Variants in TRAPPC9 observed in about 807,000 individuals in gnomAD.
TRAPPC9 encodes the protein trafficking protein particle complex subunit 9.
In TRAPPC9, 83 loss-of-function variants were observed where a neutral mutation model predicts 124.0. That is an observed-to-expected ratio of 0.67 (90% CI 0.56 to 0.80). The LOEUF is 0.80. TRAPPC9 is among the 30% of genes least tolerant of loss of function. The pLI is 0.00. For synonymous variants in TRAPPC9, 638 were observed against 617.5 expected, an observed-to-expected ratio of 1.03 and a Z score of -0.49; for missense variants, 1,302 against 1,508.3, an observed-to-expected ratio of 0.86 and a Z score of 2.27.
At chr8:140,191,077 T>C (rs2062480725) in intron 17 of TRAPPC9, among the ~76,000 whole-genome samples, 1 of 152,152 alleles carries the variant, frequency 6.6e-6, no homozygotes, top group Non-Finnish European at 1.5e-5. Flanking sequence ...GCCTCTACAA[T>C]GCTCAGCATC....
In TRAPPC9 at chr8:139,858,975, C is replaced by T. The variant is rs566550457; in HGVS notation, c.3055+26904G>A. On this transcript the variant is annotated intron_variant, in intron 21 of 22. Coordinates refer to ENST00000438773, the MANE Select transcript of TRAPPC9 (RefSeq NM_001160372.4). The stretch of plus-strand genomic sequence containing the variant: ...GCTTCTGCACGGTGAAATTGGGCCC[C>T]GAGTTTCAGATATCTCTGAGATGTC... Among the ~76,000 whole-genome samples, 12 of 149,476 alleles carry T rather than the reference C, an allele frequency of 8.0e-5. No homozygotes were observed. The South Asian group carries it at 8.8e-4, about 11-fold the overall frequency.
At position 140,296,289 on chromosome 8, in the gene TRAPPC9, G is replaced by A. The variant is rs1224570082; in HGVS notation, c.1768+4180C>T. Among the ~76,000 whole-genome samples, 3 of 152,240 alleles carry A rather than the reference G, an allele frequency of 2.0e-5. No individual in the cohort carries two copies. In the East Asian group the frequency reaches 5.8e-4, roughly 29 times the overall value. On this transcript the variant is annotated intron_variant, in intron 11 of 22. Transcript: ENST00000438773. ...GTCTTTTTATTTGTTTTTTGAGGTA[G>A]GGTCTTGCTCTGTCACCCAGGCTGG...
intron 13 of TRAPPC9, among the ~76,000 whole-genome samples, chr8:140,284,486 T>C (rs1202410110): frequency 6.6e-6 from 1 of 152,216 alleles, no homozygotes; most frequent in East Asian, 1.9e-4. Flanking sequence ...TTATTGTAGC[T>C]GCTGCTGATA....
At chr8:140,368,899 T>A (rs531478583) in intron 8 of TRAPPC9, among the ~76,000 whole-genome samples, 1 of 152,144 alleles carries the variant, frequency 6.6e-6, no homozygotes, top group South Asian at 2.1e-4. Context: ...TAAAAATAAA[T>A]AAATGATTTC....
intron 21 of TRAPPC9, among the ~76,000 whole-genome samples, chr8:139,800,333 C>A (rs1823396587): frequency 6.6e-6 from 1 of 152,240 alleles, no homozygotes; most frequent in African/African-American, 2.4e-5. Flanking sequence ...AAGTGGGTGA[C>A]CAGAGCTGCC....
intron 17 of TRAPPC9, among the ~76,000 whole-genome samples, chr8:140,122,858 C>T (rs1480962247): frequency 2.0e-5 from 3 of 152,086 alleles, no homozygotes; most frequent in Admixed American, 6.5e-5. Context: ...TGAAGGGCCC[C>T]GATGATTTTG....
intron 9 of TRAPPC9, among the ~76,000 whole-genome samples, chr8:140,335,597 T>C (rs551956594): frequency 1.8e-4 from 28 of 152,236 alleles, no homozygotes; most frequent in African/African-American, 6.5e-4. Context: ...AAACTGAAGT[T>C]CAGAGGTCAG....
chr8:140,022,551 A>G (rs1407344558), intron 18 of TRAPPC9, among the ~76,000 whole-genome samples: 2 of 152,164 alleles, frequency 1.3e-5, no homozygotes, highest in Admixed American at 1.3e-4. Context: ...AAAAAGACGA[A>G]CTCAGCTGAT....
chr8:140,177,497 C>T (rs1415046979), intron 17 of TRAPPC9, among the ~76,000 whole-genome samples: 1 of 151,966 alleles, frequency 6.6e-6, no homozygotes, highest in Non-Finnish European at 1.5e-5. Flanking sequence ...ATTTTGTTTC[C>T]ATTAATCTAT....
At chr8:139,736,485 G>A (rs899256594) in intron 21 of TRAPPC9, among the ~76,000 whole-genome samples, 1 of 152,200 alleles carries the variant, frequency 6.6e-6, no homozygotes, top group Admixed American at 6.5e-5. Context: ...AGGCATACAG[G>A]CACCAAATCC....
chr8:139,956,056 G>A (rs1587335370), intron 19 of TRAPPC9, among the ~76,000 whole-genome samples: 1 of 152,218 alleles, frequency 6.6e-6, no homozygotes, highest in Admixed American at 6.5e-5. Flanking sequence ...GAGTGTGGCT[G>A]TGCCTAGAAC....
At chr8:140,074,211 G>C (rs1357242933) in intron 17 of TRAPPC9, among the ~76,000 whole-genome samples, 1 of 152,142 alleles carries the variant, frequency 6.6e-6, no homozygotes. Context: ...AGTCAGGGTT[G>C]CTTTCCTGAC....
At position 140,106,035 on chromosome 8, in the gene TRAPPC9, TAAA is replaced by T. The variant is rs200155377; in HGVS notation, c.2557-81959_2557-81957del. Among the ~76,000 whole-genome samples, 6 of 96,604 alleles carry T rather than the reference TAAA, an allele frequency of 6.2e-5. No individual in the cohort carries two copies. In the East Asian group the frequency reaches 8.6e-4, roughly 14 times the overall value. 63.4% of individuals were successfully genotyped at this position (96,604 alleles called of 152,430 possible). A position where few individuals can be genotyped will look rare whatever the true frequency, so the allele number is the denominator to read the frequency against. ...AAATGTGGATTTTGTAATGATGAAC[TAAA>T]AAAAAAAAAAAAAAGTCTGGTGCTC... is the stretch of plus-strand genomic sequence containing the variant. On this transcript the variant is annotated intron_variant, in intron 17 of 22. Coordinates refer to ENST00000438773, the MANE Select transcript of TRAPPC9 (RefSeq NM_001160372.4).
chr8:139,881,611 A>G (rs1004323429), intron 21 of TRAPPC9, among the ~76,000 whole-genome samples: 1 of 152,112 alleles, frequency 6.6e-6, no homozygotes, highest in African/African-American at 2.4e-5. Context: ...CCACCCTAAC[A>G]AAGGCAAGGC....
chr8:139,798,790 C>A (rs897125592), intron 21 of TRAPPC9, among the ~76,000 whole-genome samples: 1 of 152,196 alleles, frequency 6.6e-6, no homozygotes, highest in African/African-American at 2.4e-5. Context: ...TAACAAATTA[C>A]CACAAACTTG....
chr8:139,786,463 T>C (rs1187896720), intron 21 of TRAPPC9, among the ~76,000 whole-genome samples: 1 of 151,702 alleles, frequency 6.6e-6, no homozygotes, highest in Non-Finnish European at 1.5e-5. Flanking sequence ...CCAGTGGGCA[T>C]GTAAAATGGC....
rs779475002 is a variant in TRAPPC9 at position 140,291,006 on chromosome 8, C to G, written c.1841G>C (p.Arg614Pro). The G allele has an allele frequency of 2.1e-5, 34 of 1,613,980 alleles. No individual in the cohort carries two copies. Residue 614 changes from arginine (R) to proline (P), a missense_variant, in exon 12 of 23, where the codon CGA becomes CCA. By Grantham distance (103) the Arg-to-Pro change is moderately radical. This residue lies in a region of TRAPPC9 where 657 missense variants were observed against 811.2 expected (regional missense o/e 0.81). Transcript: ENST00000438773. The part of the protein sequence containing the change: ...MVYNPMPFEL[R>P]VENMGLLTSG... The stretch of plus-strand genomic sequence containing the variant: ...GGTGATACATACCATGTTTTCAACT[C>G]GAAGTTCAAACGGCATTGGGTTATA...
At chr8:139,758,733 C>G (rs1457866982) in intron 21 of TRAPPC9, among the ~76,000 whole-genome samples, 1 of 152,172 alleles carries the variant, frequency 6.6e-6, no homozygotes, top group Non-Finnish European at 1.5e-5. Flanking sequence ...GGAAGCTTTC[C>G]TAGCTTCAGT....
In TRAPPC9 at chr8:139,936,509, C is replaced by T. The variant is rs187086549; in HGVS notation, c.2811-26209G>A. Among the ~76,000 whole-genome samples the T allele has an allele frequency of 2.3e-3, 351 of 152,358 alleles. 5 individuals carry two copies. The highest frequency in any genetic ancestry group is 6.3e-4 in the Non-Finnish European group (43 of 68,040). On this transcript the variant is annotated intron_variant, in intron 19 of 22. Transcript: ENST00000438773. ...ATCCAGTGGGAGCATGGGGAAGTCA[C>T]TCGGCTTAGAGCCTTCTAAAGGTAG...
Sources: allele counts gnomAD v4.1 joint callset (sites outside exome capture counted in the v4.1 genomes callset), GRCh38; gene constraint gnomAD v4.1.1; regional missense constraint gnomAD v4.1.1; transcripts MANE v1.5; gene names NCBI Gene and HGNC (gene_info 2026-07-23, HGNC 2026-07-21).